The following PIEZO2 variants were observed in gnomAD, a reference collection of about 807,000 sequenced individuals.
The protein encoded by PIEZO2 is piezo type mechanosensitive ion channel component 2.
Under a neutral mutation model 337.3 loss-of-function variants are expected in PIEZO2, and 172 were observed. The observed-to-expected ratio is 0.51, with a 90% CI of 0.45 to 0.58. PIEZO2 has a LOEUF of 0.58. Ranked by LOEUF, PIEZO2 falls within the 20% of genes least tolerant of loss-of-function variation. The probability of loss-of-function intolerance (pLI) is 0.00; values close to 1 mark genes in which losing one functional copy is unlikely to be tolerated. For synonymous variants in PIEZO2, 1,251 were observed against 1,228.5 expected (o/e 1.02, Z -0.38); for missense variants, 3,028 against 3,391.3 (o/e 0.89, Z 2.66).
At chr18:11,107,400 C>T (rs1022946374) in intron 1 of PIEZO2, among the ~76,000 whole-genome samples, 8 of 152,192 alleles carry the variant, frequency 5.3e-5, no homozygotes, top group African/African-American at 1.9e-4. Context: ...TGAAAATAAA[C>T]AGATAAAATT....
At chr18:10,725,480 G>C in intron 36 of PIEZO2, 1 of 1,517,586 alleles carries the variant, frequency 6.6e-7, no homozygotes, top group South Asian at 1.2e-5. Context: ...TGGGTATCCG[G>C]GTGGATGGGT....
At chr18:10,749,028 G>C (rs2037538918) in intron 29 of PIEZO2, among the ~76,000 whole-genome samples, 2 of 152,116 alleles carry the variant, frequency 1.3e-5, no homozygotes, top group African/African-American at 4.8e-5. Context: ...GGGGTAACCA[G>C]CAGAATAATG....
intron 7 of PIEZO2, among the ~76,000 whole-genome samples, chr18:10,845,216 AC>A (rs1312166849): frequency 6.6e-6 from 1 of 151,458 alleles, no homozygotes; most frequent in Non-Finnish European, 1.5e-5. Context: ...ATATATATAA[AC>A]ACACACACAC....
chr18:10,790,971 T>G (rs950944785), intron 14 of PIEZO2, among the ~76,000 whole-genome samples: 4 of 152,238 alleles, frequency 2.6e-5, no homozygotes, highest in African/African-American at 9.6e-5. Context: ...CCCAAAGTGC[T>G]GGGATTACAG....
chr18:10,770,922 G>T (rs1244649913), intron 20 of PIEZO2, among the ~76,000 whole-genome samples: 1 of 152,006 alleles, frequency 6.6e-6, no homozygotes, highest in Admixed American at 6.6e-5. Flanking sequence ...GTAGAAATAG[G>T]ATCTCGTCAT....
At chr18:10,939,030 G>A (rs1477408700) in intron 3 of PIEZO2, among the ~76,000 whole-genome samples, 1 of 152,082 alleles carries the variant, frequency 6.6e-6, no homozygotes, top group Non-Finnish European at 1.5e-5. Context: ...AGAAGTTACA[G>A]TGAGCCGAAA....
At chr18:10,974,450 T>C (rs264234) in intron 3 of PIEZO2, among the ~76,000 whole-genome samples, 68,374 of 152,018 alleles carry the variant, frequency 0.45, 15,539 homozygotes, top group Non-Finnish European at 0.5. Context: ...AAAGAAAATA[T>C]TCAGTTAATT....
intron 1 of PIEZO2, among the ~76,000 whole-genome samples, chr18:11,139,615 G>A (rs539987277): frequency 1.3e-5 from 2 of 152,086 alleles, no homozygotes; most frequent in South Asian, 4.2e-4. Flanking sequence ...CCTAATATAT[G>A]GGTAATAAAT....
At position 11,027,517 on chromosome 18, in the gene PIEZO2, G is replaced by C. The variant is rs576126191; in HGVS notation, c.160+38610C>G. Among the ~76,000 whole-genome samples the C allele has an allele frequency of 3.9e-5, 6 of 152,208 alleles. No homozygotes were observed. The highest frequency in any genetic ancestry group is 1.2e-4 in the African/African-American group (5 of 41,444). Reference sequence around the variant, plus strand: ...TTTCAAGATGATATAGGTTTTGCATGAGAGTTATACCTAAAAGTCATCTGG... The same window carrying C: ...TTTCAAGATGATATAGGTTTTGCATCAGAGTTATACCTAAAAGTCATCTGG... On this transcript the variant is annotated intron_variant, in intron 2 of 55. Transcript: ENST00000674853. The surrounding 1 kb of genome is among the most constrained non-coding windows in gnomAD (Gnocchi z 4.2).
intron 4 of PIEZO2, among the ~76,000 whole-genome samples, chr18:10,885,360 C>T (rs2042548189): frequency 6.6e-6 from 1 of 152,018 alleles, no homozygotes; most frequent in African/African-American, 2.4e-5. Context: ...GGAGGTGGAG[C>T]TTGCAGTGAG....
At chr18:10,717,012 C>A (rs2036037023) in intron 37 of PIEZO2, among the ~76,000 whole-genome samples, 1 of 152,122 alleles carries the variant, frequency 6.6e-6, no homozygotes, top group South Asian at 2.1e-4. Context: ...CGACTTTAAC[C>A]ACAGGGGCAG....
chr18:10,774,460 T>C (rs60973712), intron 18 of PIEZO2, among the ~76,000 whole-genome samples: 46,731 of 118,484 alleles, frequency 0.39, 8,345 homozygotes, highest in Middle Eastern at 0.52. Flanking sequence ...GCATGTGCCA[T>C]GGAAGCTAAG....
At chr18:10,912,734 T>C (rs1410124974) in intron 3 of PIEZO2, among the ~76,000 whole-genome samples, 1 of 152,202 alleles carries the variant, frequency 6.6e-6, no homozygotes, top group East Asian at 1.9e-4. Context: ...TGGACTTCTC[T>C]AAGGACTGAA....
rs2143520863 is a variant in PIEZO2, at chr18:10,682,984, A to G, written c.7498-692T>C. On this transcript the variant is annotated intron_variant, in intron 49 of 55. Coordinates refer to ENST00000674853, the MANE Select transcript of PIEZO2 (RefSeq NM_001378183.1). The surrounding 1 kb of genome is among the most constrained non-coding windows in gnomAD (Gnocchi z 5.6). ...GACCCACTAAGCCCCCTGCTTAAAG[A>G]CTATGGACAAGTGGAAATTGGAGCT... is the stretch of plus-strand genomic sequence containing the variant. Among the ~76,000 whole-genome samples, 1 of 152,298 alleles carries G rather than the reference A, an allele frequency of 6.6e-6. No individual in the cohort carries two copies. Among genetic ancestry groups the G allele is most frequent in the South Asian group, 2.1e-4 (1 of 4,826 alleles).
At chr18:11,115,332 CA>C (rs1367801348) in intron 1 of PIEZO2, among the ~76,000 whole-genome samples, 2 of 152,156 alleles carry the variant, frequency 1.3e-5, no homozygotes, top group African/African-American at 4.8e-5. Flanking sequence ...GAAAACATTA[CA>C]AAAGAACCAA....
At chr18:10,806,531 G>A (rs1031668229) in intron 8 of PIEZO2, among the ~76,000 whole-genome samples, 4 of 152,046 alleles carry the variant, frequency 2.6e-5, no homozygotes, top group Non-Finnish European at 5.9e-5. Flanking sequence ...TCCCTCACAA[G>A]GGGATACTCA....
chr18:10,862,479 C>T lies in PIEZO2; in HGVS notation c.493-5268G>A, dbSNP rs2041901029. Among the ~76,000 whole-genome samples the T allele has an allele frequency of 6.6e-6, 1 of 152,190 alleles. No homozygotes were observed. Among genetic ancestry groups the T allele is most frequent in the Non-Finnish European group, 1.5e-5 (1 of 68,042 alleles). On this transcript the variant is annotated intron_variant, in intron 5 of 55. Coordinates refer to ENST00000674853, the MANE Select transcript of PIEZO2 (RefSeq NM_001378183.1). This position sits in a 1 kb window ranked among gnomAD's most constrained non-coding sequence, Gnocchi z 4.4. ...CATCTCATCCCACAACATCCTCTCA[C>T]CCTACAGCAGTACTGGTTCCATTAA...
chr18:11,078,762 C>T lies in PIEZO2; in HGVS notation c.65-12540G>A, dbSNP rs1173760379. ...CAAATAGCAATGAATTGGATGAATG[C>T]CTCAAAATGAACCTCTTTTGCCAGA... is the stretch of plus-strand genomic sequence containing the variant. On this transcript the variant is annotated intron_variant, in intron 1 of 55. Transcript: ENST00000674853. The surrounding 1 kb of genome is among the most constrained non-coding windows in gnomAD (Gnocchi z 5.3). 2.0e-5 allele frequency among the ~76,000 whole-genome samples: 3 copies of T among 152,166 alleles called. No individual in the cohort carries two copies. The highest frequency in any genetic ancestry group is 6.5e-5 in the Admixed American group (1 of 15,280).
At chr18:10,723,852 G>T (rs1274323007) in intron 36 of PIEZO2, among the ~76,000 whole-genome samples, 2 of 152,220 alleles carry the variant, frequency 1.3e-5, no homozygotes, top group Non-Finnish European at 2.9e-5. Context: ...TTCCAATTTG[G>T]ATTTCAACAG....
Sources: allele counts gnomAD v4.1 joint callset (sites outside exome capture counted in the v4.1 genomes callset), GRCh38; gene constraint gnomAD v4.1.1; non-coding constraint Gnocchi (gnomAD v3.1); transcripts MANE v1.5; gene names NCBI Gene and HGNC (gene_info 2026-07-23, HGNC 2026-07-21).